BACH2: variants seen among roughly 807,000 people sequenced by gnomAD.
The protein encoded by BACH2 is BACH transcriptional regulator 2, also known as transcription regulator protein BACH2.
A neutral mutation model predicts 61.8 loss-of-function variants in BACH2; 5 were observed. The ratio of observed to expected loss-of-function variants is 0.08; its 90% confidence interval spans 0.04 to 0.17. The LOEUF is 0.17. Among genes scored for constraint, BACH2 ranks in the 10% least tolerant of loss-of-function variants. The probability of loss-of-function intolerance (pLI) is 1.00; values close to 1 mark genes in which losing one functional copy is unlikely to be tolerated. For synonymous variants in BACH2, 446 were observed against 440.1 expected (o/e 1.01, Z -0.17); for missense variants, 824 against 1,091.1 (o/e 0.76, Z 3.45).
chr6:90,116,842 T>G (rs1309046517), intron 4 of BACH2: 1 of 605,526 alleles, frequency 1.7e-6, no homozygotes, highest in Non-Finnish European at 2.6e-6. Context: ...CTGGGATGCC[T>G]CTGGAGCACG....
In BACH2 at chr6:89,932,380, G is replaced by A. The variant is rs201308047; in HGVS notation, c.*28C>T. On this transcript the variant is annotated 3_prime_UTR_variant, in exon 9 of 9. Coordinates refer to ENST00000257749, the MANE Select transcript of BACH2 (RefSeq NM_021813.4). ...TGAAGAACGCCTGGATGGGAGAGGTGTGCGGACTGGGAGGCAGAGCCGAGT... is the reference window on the plus strand; with the variant it reads ...TGAAGAACGCCTGGATGGGAGAGGTATGCGGACTGGGAGGCAGAGCCGAGT... 2,015 of 1,597,666 alleles carry A rather than the reference G, an allele frequency of 1.3e-3. No individual in the cohort carries two copies. Among genetic ancestry groups the A allele is most frequent in the Non-Finnish European group, 1.6e-3 (1,854 of 1,168,054 alleles).
chr6:90,091,324 T>A (rs1782148594), intron 4 of BACH2, among the ~76,000 whole-genome samples: 1 of 152,162 alleles, frequency 6.6e-6, no homozygotes, highest in Admixed American at 6.6e-5. Flanking sequence ...TATAGCTCTT[T>A]GAGCACAATA....
At chr6:89,962,826 T>G (rs771391764) in intron 6 of BACH2, among the ~76,000 whole-genome samples, 10 of 152,184 alleles carry the variant, frequency 6.6e-5, no homozygotes, top group Non-Finnish European at 1.0e-4. Context: ...TTCTTGGATA[T>G]GACACCAAAA....
intron 4 of BACH2, among the ~76,000 whole-genome samples, chr6:90,157,118 G>A (rs944199476): frequency 6.6e-5 from 10 of 152,216 alleles, no homozygotes; most frequent in African/African-American, 2.2e-4. Flanking sequence ...AGAAGAGCTT[G>A]CCCCAAAAAG....
At chr6:90,185,772 A>G (rs1213088540) in intron 4 of BACH2, among the ~76,000 whole-genome samples, 1 of 152,232 alleles carries the variant, frequency 6.6e-6, no homozygotes, top group Non-Finnish European at 1.5e-5. Flanking sequence ...GTCTACACAC[A>G]TTAGTATCTT....
In BACH2 at chr6:90,229,144, T is replaced by C. The variant is rs546687855; in HGVS notation, c.-274-22463A>G. ...ACCTGGAGAGCTTTACAAACTCCCA[T>C]TGCCGAGGTCACATCCCATACTAAT... On this transcript the variant is annotated intron_variant, in intron 3 of 8. Transcript: ENST00000257749. Among the ~76,000 whole-genome samples the C allele has an allele frequency of 3.9e-5, 6 of 152,296 alleles. No individual in the cohort carries two copies. The East Asian group carries it at 5.8e-4, about 15-fold the overall frequency.
intron 7 of BACH2, among the ~76,000 whole-genome samples, chr6:89,944,925 A>T (rs1773640699): frequency 6.6e-6 from 1 of 152,162 alleles, no homozygotes; most frequent in Admixed American, 6.5e-5. Flanking sequence ...ATTTTCTATA[A>T]TTTCCAACAT....
intron 7 of BACH2, among the ~76,000 whole-genome samples, chr6:89,943,491 TAAGAC>T (rs1773558290): frequency 6.6e-6 from 1 of 152,014 alleles, no homozygotes; most frequent in South Asian, 2.1e-4. Flanking sequence ...TCATAAAATA[TAAGAC>T]AAAAGAAGGG....
intron 1 of BACH2, 74 bp downstream of exon 1, chr6:90,296,406 G>T (rs1470574682): frequency 6.7e-6 from 1 of 150,014 alleles, no homozygotes; most frequent in African/African-American, 2.4e-5. Flanking sequence ...CGCCCCGCGC[G>T]CCCGCTCCCC....
chr6:90,230,369 A>G (rs1324242613), intron 3 of BACH2, among the ~76,000 whole-genome samples: 2 of 152,222 alleles, frequency 1.3e-5, no homozygotes, highest in African/African-American at 4.8e-5. Context: ...ATACCTATAC[A>G]TGTGTACATG....
chr6:90,128,436 C>T (rs1783952219), intron 4 of BACH2, among the ~76,000 whole-genome samples: 1 of 152,164 alleles, frequency 6.6e-6, no homozygotes, highest in African/African-American at 2.4e-5. Context: ...TAAAAATTAG[C>T]TGGGTGTGAT....
At chr6:89,947,596 C>G (rs372722137) in intron 7 of BACH2, among the ~76,000 whole-genome samples, 1 of 151,178 alleles carries the variant, frequency 6.6e-6, no homozygotes, top group Non-Finnish European at 1.5e-5. Flanking sequence ...GACAGAGTCT[C>G]GCTCTGTCAC....
At chr6:90,142,320 T>C (rs1784487190) in intron 4 of BACH2, among the ~76,000 whole-genome samples, 1 of 152,192 alleles carries the variant, frequency 6.6e-6, no homozygotes, top group African/African-American at 2.4e-5. Flanking sequence ...TCACTTATTG[T>C]GTTGTTCTTA....
chr6:90,057,236 C>A (rs1303244323), intron 5 of BACH2, among the ~76,000 whole-genome samples: 8 of 151,796 alleles, frequency 5.3e-5, no homozygotes, highest in South Asian at 2.1e-4. Flanking sequence ...CAAGACTAAT[C>A]AAGAAGAAAA....
chr6:90,229,288 G>A (rs895825615), intron 3 of BACH2, among the ~76,000 whole-genome samples: 6 of 152,100 alleles, frequency 3.9e-5, no homozygotes, highest in Admixed American at 6.5e-5. Flanking sequence ...GTGAAACCCC[G>A]TCTATACTAA....
chr6:90,148,214 A>G (rs1784688677), intron 4 of BACH2, among the ~76,000 whole-genome samples: 1 of 152,198 alleles, frequency 6.6e-6, no homozygotes, highest in Non-Finnish European at 1.5e-5. Flanking sequence ...TTGGAGCCAC[A>G]TCCACCCAAG....
intron 2 of BACH2, among the ~76,000 whole-genome samples, chr6:90,270,574 T>G (rs1582553144): frequency 6.6e-6 from 1 of 152,140 alleles, no homozygotes; most frequent in Admixed American, 6.5e-5. Flanking sequence ...AAAGAAATAA[T>G]CGATGGCACA....
At chr6:90,191,053 G>GT (rs1278349112) in intron 4 of BACH2, among the ~76,000 whole-genome samples, 1 of 152,208 alleles carries the variant, frequency 6.6e-6, no homozygotes, top group Non-Finnish European at 1.5e-5. Context: ...TTCATTTTAG[G>GT]TTTCTGGTTG....
chr6:90,282,499 G>T (rs1475077725), intron 1 of BACH2, among the ~76,000 whole-genome samples: 1 of 151,872 alleles, frequency 6.6e-6, no homozygotes, highest in African/African-American at 2.4e-5. Context: ...TCTTTTTTAT[G>T]GCTGCATAGT....
Sources: allele counts gnomAD v4.1 joint callset (sites outside exome capture counted in the v4.1 genomes callset), GRCh38; gene constraint gnomAD v4.1.1; transcripts MANE v1.5; gene names NCBI Gene and HGNC (gene_info 2026-07-23, HGNC 2026-07-21).